Variants in FLT4 observed in about 807,000 individuals in gnomAD.
FLT4 encodes the protein fms related receptor tyrosine kinase 4.
FLT4 carries 30 observed loss-of-function variants against 163.2 expected under a neutral mutation model. That is an observed-to-expected ratio of 0.18 (90% confidence interval 0.14 to 0.25). The LOEUF is 0.25. Ranked by LOEUF, FLT4 falls within the 10% of genes least tolerant of loss-of-function variation. The pLI, the probability that FLT4 is intolerant of heterozygous loss-of-function variation, is 1.00. For synonymous variants in FLT4, 884 were observed against 789.5 expected (o/e 1.12, Z -2.01); for missense variants, 1,510 against 1,863.8 (o/e 0.81, Z 3.50).
intron 10 of FLT4, among the ~76,000 whole-genome samples, chr5:180,624,275 G>A (rs1167832677): frequency 1.3e-5 from 2 of 149,132 alleles, no homozygotes; most frequent in East Asian, 2.0e-4. Context: ...TGCCCAGGCT[G>A]GACTGCAATG....
chr5:180,648,170 G>A (rs999060946), intron 1 of FLT4, among the ~76,000 whole-genome samples: 1 of 152,230 alleles, frequency 6.6e-6, no homozygotes, highest in African/African-American at 2.4e-5. Context: ...ACCTGTGGGA[G>A]CCTGGTCCTG....
intron 29 of FLT4, chr5:180,607,822 G>T: frequency 2.2e-6 from 1 of 461,934 alleles, no homozygotes; most frequent in Non-Finnish European, 3.8e-6. Flanking sequence ...GGAATAACTG[G>T]TGGGCACAGG....
In FLT4 at chr5:180,620,109, C is replaced by T; in HGVS notation, c.2542+64G>A. The stretch of plus-strand genomic sequence containing the variant: ...TTTTGAAAATGGAGGGATTCAGGCA[C>T]TCCGGCCTGCAGCAGGTGGGTCGGG... On this transcript the variant is annotated intron_variant, in intron 17 of 29. Coordinates refer to ENST00000261937, the MANE Select transcript of FLT4 (RefSeq NM_182925.5). This position sits in a 1 kb window ranked among gnomAD's most constrained non-coding sequence, Gnocchi z 4.4. 1 of 1,568,164 alleles carries T rather than the reference C, an allele frequency of 6.4e-7. No homozygotes were observed. The highest frequency in any genetic ancestry group is 8.6e-7 in the Non-Finnish European group (1 of 1,159,174).
Position 180,628,938 on chromosome 5 carries a change from G to T in FLT4, c.1047C>A (p.Asp349Glu). 6.2e-7 allele frequency: 1 copy of T among 1,612,730 alleles called. No homozygotes were observed. The highest frequency in any genetic ancestry group is 8.5e-7 in the Non-Finnish European group (1 of 1,179,930). Residue 349 changes from aspartate to glutamate, a missense_variant, in exon 8 of 30, where the codon GAC (aspartate) becomes GAA (glutamate). Around this residue, in one of 5 missense-constraint regions of FLT4, gnomAD observed 878 missense variants for 1,016.7 expected, o/e 0.86. Coordinates refer to ENST00000261937, the MANE Select transcript of FLT4 (RefSeq NM_182925.5). ...GCTTCACGGGCAGCTTCACCAGCTC[G>T]TCTCCTGCCGTGGCCTCCAGGATGG... Reference protein sequence around the residue: ...KGPILEATAGDELVKLPVKLA... With the variant: ...KGPILEATAGEELVKLPVKLA...
rs1288895731 is a variant in FLT4, at chr5:180,629,358, T to G, written c.886A>C (p.Thr296Pro). The G allele has an allele frequency of 6.2e-7, 1 of 1,612,880 alleles. No individual in the cohort carries two copies. ...TCGTGCTGGCTGACGTTGTGGATGG[T>G]CAGGATGCTGGAGAGTTCTGTGTGG... is the stretch of plus-strand genomic sequence containing the variant. ...QTHTELSSIL[T>P]IHNVSQHDLG... The change falls in exon 7 of 30, where the codon ACC becomes CCC. Residue 296 changes from threonine (T) to proline (P), a missense_variant. Physicochemically the swap from Thr to Pro is conservative, Grantham distance 38. This residue lies in a region of FLT4 where 163 missense variants were observed against 281.1 expected (regional missense o/e 0.58). Coordinates refer to ENST00000261937, the MANE Select transcript of FLT4 (RefSeq NM_182925.5).
rs80139920 is a variant in FLT4 at position 180,601,727 on chromosome 5, G to T, written c.*1465C>A. On this transcript the variant is annotated 3_prime_UTR_variant, in exon 30 of 30. Coordinates refer to ENST00000261937, the MANE Select transcript of FLT4 (RefSeq NM_182925.5). ...CCTCCCAGGGAAGCCTGACACGCCA[G>T]TCCCACGTTGGACGACGTGCAGAGG... 7,260 of 233,196 alleles carry T rather than the reference G, an allele frequency of 0.031. 523 individuals are homozygous for T. The highest frequency in any genetic ancestry group is 0.15 in the African/African-American group (6,782 of 45,366). 14.4% of individuals were successfully genotyped at this position (233,196 alleles called of 1,614,324 possible).
chr5:180,613,220 CT>C (rs1389907974), intron 24 of FLT4, 110 bp from the exon 25 acceptor site: 49 of 727,426 alleles, frequency 6.7e-5, no homozygotes, highest in Non-Finnish European at 1.0e-4. Context: ...CGTCCTGTCC[CT>C]TTCCCCATCC....
intron 1 of FLT4, among the ~76,000 whole-genome samples, chr5:180,634,571 G>C (rs1229711854): frequency 6.6e-6 from 1 of 151,078 alleles, no homozygotes; most frequent in Non-Finnish European, 1.5e-5. Flanking sequence ...GCATGGTGGC[G>C]GGCGCCCAGC....
At chr5:180,628,124 C>T (rs996554226) in intron 8 of FLT4, among the ~76,000 whole-genome samples, 2 of 152,202 alleles carry the variant, frequency 1.3e-5, no homozygotes, top group African/African-American at 4.8e-5. Flanking sequence ...TGCAGAGACC[C>T]CTCCTGGGGA....
At chr5:180,622,622 C>T in intron 12 of FLT4, 109 bp downstream of exon 12, 5 of 735,858 alleles carry the variant, frequency 6.8e-6, no homozygotes, top group South Asian at 4.4e-5. Flanking sequence ...ACCGGTAGGC[C>T]TTGGATCTCT....
intron 1 of FLT4, among the ~76,000 whole-genome samples, chr5:180,649,046 G>C (rs13175666): frequency 6.6e-6 from 1 of 152,110 alleles, no homozygotes; most frequent in Non-Finnish European, 1.5e-5. Context: ...GCTGGGCGTC[G>C]GGAAGTGCGC....
intron 1 of FLT4, among the ~76,000 whole-genome samples, chr5:180,637,365 C>T (rs1385088796): frequency 6.6e-6 from 1 of 151,014 alleles, no homozygotes; most frequent in Non-Finnish European, 1.5e-5. Context: ...AAAAGAAAAA[C>T]TCCCCATCTT....
intron 29 of FLT4, among the ~76,000 whole-genome samples, chr5:180,606,495 T>G (rs1299923984): frequency 6.6e-6 from 1 of 152,164 alleles, no homozygotes; most frequent in Non-Finnish European, 1.5e-5. Flanking sequence ...GGTCCTGGCG[T>G]TGAGTCCCCA....
rs533021723 is a variant in FLT4, at chr5:180,601,656, C to T, written c.*1536G>A. ...TAGTGAGGAGAAGGGAGCAGAGGTG[C>T]GCGCCAGGAGCCAGGCTGGTTCTCT... On this transcript the variant is annotated 3_prime_UTR_variant, in exon 30 of 30. Transcript: ENST00000261937. 15 of 233,240 alleles carry T rather than the reference C, an allele frequency of 6.4e-5. No individual in the cohort carries two copies. The highest frequency in any genetic ancestry group is 1.3e-3 in the Middle Eastern group (1 of 786). The allele number at this position is 233,240 out of a possible 1,614,324, so 14.4% of individuals were successfully genotyped here. A position where few individuals can be genotyped will look rare whatever the true frequency, so the allele number is the denominator to read the frequency against.
intron 29 of FLT4, among the ~76,000 whole-genome samples, chr5:180,608,757 G>A (rs1294854505): frequency 6.6e-6 from 1 of 152,110 alleles, no homozygotes; most frequent in Non-Finnish European, 1.5e-5. Context: ...CGGGACCAGC[G>A]CCCACGTGGC....
At chr5:180,640,401 G>A (rs942599280) in intron 1 of FLT4, among the ~76,000 whole-genome samples, 4 of 152,174 alleles carry the variant, frequency 2.6e-5, no homozygotes, top group African/African-American at 4.8e-5. Flanking sequence ...TCCAAAGGCC[G>A]GGGGCAGAGG....
chr5:180,630,513 G>T lies in FLT4; in HGVS notation c.400+42C>A, dbSNP rs751999026. 72 of 1,610,492 alleles carry T rather than the reference G, an allele frequency of 4.5e-5. No homozygotes were observed. Among genetic ancestry groups the T allele is most frequent in the Middle Eastern group, 3.3e-4 (2 of 6,060 alleles). On this transcript the variant is annotated intron_variant, in intron 3 of 29. Coordinates refer to ENST00000261937, the MANE Select transcript of FLT4 (RefSeq NM_182925.5). This position sits in a 1 kb window ranked among gnomAD's most constrained non-coding sequence, Gnocchi z 6.3. The stretch of plus-strand genomic sequence containing the variant: ...GCTGGGGGCGGTGTGGGCCCCAGCT[G>T]CCCGGGACCCTGCTCCAGCCTGGCC...
rs778243404 is a variant in FLT4 at position 180,618,912 on chromosome 5, A to C, written c.2859T>G (p.Ser953=). The C allele has an allele frequency of 1.0e-5, 16 of 1,585,894 alleles. No homozygotes were observed. In the South Asian group the frequency reaches 1.4e-4, roughly 14 times the overall value. The change falls in exon 21 of 30, where the codon TCT becomes TCG. Residue 953 remains serine, a synonymous_variant. Transcript: ENST00000261937. ...RDAFSPCAEK[S]PEQRGRFRAM... is the part of the protein sequence containing the mutation. ...CGCGGAAGCGTCCGCGCTGCTCGGG[A>C]GACTTCTCCTGCGGATGCACGAAGC... is the stretch of plus-strand genomic sequence containing the variant.
chr5:180,639,513 T>TGGAA (rs1764942421), intron 1 of FLT4, among the ~76,000 whole-genome samples: 2 of 151,018 alleles, frequency 1.3e-5, no homozygotes, highest in Non-Finnish European at 3.0e-5. Context: ...AATGGCTGGA[T>TGGAA]GGAAGGATGA....
Sources: gnomAD v4.1 joint callset for allele counts (sites outside exome capture counted in the v4.1 genomes callset) on GRCh38, gnomAD v4.1.1 for gene constraint, gnomAD v4.1.1 regional missense constraint, Gnocchi (gnomAD v3.1) non-coding constraint, MANE v1.5 for transcripts, NCBI Gene and HGNC (gene_info 2026-07-23, HGNC 2026-07-21) for gene names.